Variants in EGFR observed in about 807,000 individuals in gnomAD.
EGFR encodes the protein epidermal growth factor receptor, also known as avian erythroblastic leukemia viral (v-erb-b) oncogene homolog.
In EGFR, 58 loss-of-function variants were observed where a neutral mutation model predicts 143.0. That is an observed-to-expected ratio of 0.41 (90% CI 0.33 to 0.50). The LOEUF is 0.50. Among genes scored for constraint, EGFR ranks in the 20% least tolerant of loss-of-function variants. The probability of loss-of-function intolerance (pLI) is 0.39; values close to 1 mark genes in which losing one functional copy is unlikely to be tolerated. For missense variants in EGFR, 1,307 were observed against 1,579.0 expected (o/e 0.83, Z 2.92); for synonymous variants, 613 against 594.4 (o/e 1.03, Z -0.45).
chr7:55,105,560 T>C (rs750142435), intron 1 of EGFR, among the ~76,000 whole-genome samples: 50 of 152,338 alleles, frequency 3.3e-4, no homozygotes, highest in Non-Finnish European at 5.1e-4. Context: ...CTTTTCTTCA[T>C]GAAAACAGCT....
At chr7:55,129,169 G>C (rs563661983) in intron 1 of EGFR, among the ~76,000 whole-genome samples, 63 of 152,240 alleles carry the variant, frequency 4.1e-4, no homozygotes, top group Non-Finnish European at 7.5e-4. Flanking sequence ...TCATACATGA[G>C]AGAAAGCCGT....
Position 55,019,118 on chromosome 7 carries a change from G to T in EGFR, c.-160G>T, listed in dbSNP as rs1166271087. On this transcript the variant is annotated 5_prime_UTR_variant, in exon 1 of 28. Transcript: ENST00000275493. ...CCGAGGCGGCCGGAGTCCCGAGCTA[G>T]CCCCGGCGGCCGCCGCCGCCCAGAC... The T allele has an allele frequency of 2.9e-5, 12 of 407,320 alleles. No homozygotes were observed. Among genetic ancestry groups the T allele is most frequent in the Non-Finnish European group, 4.5e-5 (11 of 245,236 alleles). The allele number at this position is 407,320 out of a possible 1,614,324, so 25.2% of individuals were successfully genotyped here.
chr7:55,123,905 G>T (rs1793365031), intron 1 of EGFR, among the ~76,000 whole-genome samples: 1 of 152,154 alleles, frequency 6.6e-6, no homozygotes, highest in South Asian at 2.1e-4. Context: ...GTGTGCATGT[G>T]TGTGCAAGTA....
rs757810509 is a variant in EGFR at position 55,155,826 on chromosome 7, C to T, written c.890-4C>T. ...TCACCTTCCTTTCATGCTCTCTTCC[C>T]CAGGTAATTATGTGGTGACAGATCA... On this transcript the variant is annotated splice_polypyrimidine_tract_variant and splice_region_variant and intron_variant, in intron 7 of 27. Transcript: ENST00000275493. The T allele has an allele frequency of 3.1e-6, 5 of 1,613,350 alleles. No homozygotes were observed. The South Asian group carries it at 5.5e-5, about 18-fold the overall frequency.
intron 1 of EGFR, among the ~76,000 whole-genome samples, chr7:55,026,528 C>G (rs1786893392): frequency 6.6e-6 from 1 of 152,192 alleles, no homozygotes; most frequent in South Asian, 2.1e-4. Flanking sequence ...TGACCATAAA[C>G]CACAAATAAC....
intron 1 of EGFR, among the ~76,000 whole-genome samples, chr7:55,121,854 G>A (rs183464599): frequency 9.2e-5 from 14 of 152,278 alleles, no homozygotes; most frequent in Admixed American, 3.3e-4. Flanking sequence ...GCCTCTGTGC[G>A]ACAGTGACCT....
At chr7:55,078,760 G>T (rs1339946195) in intron 1 of EGFR, among the ~76,000 whole-genome samples, 7 of 152,232 alleles carry the variant, frequency 4.6e-5, no homozygotes, top group Non-Finnish European at 1.0e-4. Context: ...GACATCCTGA[G>T]ATGGTTTGGG....
chr7:55,039,144 T>A (rs1225071845), intron 1 of EGFR, among the ~76,000 whole-genome samples: 1 of 152,074 alleles, frequency 6.6e-6, no homozygotes, highest in Admixed American at 6.6e-5. Context: ...TTGAGATCCA[T>A]CACTTTAAGT....
rs1562772187 is a variant in EGFR, at chr7:55,161,619, A to G, written c.1619A>G (p.Asn540Ser). Residue 540 changes from asparagine to serine, a missense_variant, in exon 13 of 28, where the codon AAC (asparagine) becomes AGC (serine). This residue lies in a region of EGFR where 250 missense variants were observed against 295.1 expected (regional missense o/e 0.85). Transcript: ENST00000275493. ...SRGRECVDKCNLLEGEPREFV... is the reference protein window; with the variant it reads ...SRGRECVDKCSLLEGEPREFV... Reference sequence around the variant, plus strand: ...GGCAGGGAATGCGTGGACAAGTGCAACCTTCTGGAGGGGTAGGAGGTTATT... The same window carrying G: ...GGCAGGGAATGCGTGGACAAGTGCAGCCTTCTGGAGGGGTAGGAGGTTATT... 1.2e-6 allele frequency: 2 copies of G among 1,614,248 alleles called. No homozygotes were observed. The highest frequency in any genetic ancestry group is 1.6e-4 in the Middle Eastern group (1 of 6,062).
At chr7:55,064,564 T>A (rs1789388235) in intron 1 of EGFR, among the ~76,000 whole-genome samples, 1 of 152,242 alleles carries the variant, frequency 6.6e-6, no homozygotes, top group South Asian at 2.1e-4. Flanking sequence ...GCACTTCTTT[T>A]TTCTCTTTGG....
At position 55,165,397 on chromosome 7, in the gene EGFR, G is replaced by T. The variant is rs779076899; in HGVS notation, c.1840G>T (p.Gly614Cys). ...CCTGGTCTGGAAGTACGCAGACGCC[G>T]GCCATGTGTGCCACCTGTGCCATCC... ...NTLVWKYADAGHVCHLCHPNC... is the reference protein window; with the variant it reads ...NTLVWKYADACHVCHLCHPNC... The change falls in exon 15 of 28, where the codon GGC becomes TGC. Residue 614 changes from glycine to cysteine, a missense_variant. By Grantham distance (159) the Gly-to-Cys change is radical. Transcript: ENST00000275493. The T allele has an allele frequency of 6.2e-7, 1 of 1,614,106 alleles. No homozygotes were observed.
intron 1 of EGFR, among the ~76,000 whole-genome samples, chr7:55,107,928 AAC>A (rs1278598830): frequency 6.6e-6 from 1 of 152,238 alleles, no homozygotes; most frequent in East Asian, 1.9e-4. Flanking sequence ...AATGTGAAGA[AAC>A]ACAGAACAGC....
chr7:55,134,858 A>G (rs1794049817), intron 1 of EGFR, among the ~76,000 whole-genome samples: 1 of 152,202 alleles, frequency 6.6e-6, no homozygotes, highest in African/African-American at 2.4e-5. Context: ...AGGCCCTTTC[A>G]TGTCCATGAT....
rs1787900755 is a variant in EGFR at position 55,202,633 on chromosome 7, G to C, written c.3271+8G>C. 1.2e-6 allele frequency: 2 copies of C among 1,606,378 alleles called. No individual in the cohort carries two copies. The highest frequency in any genetic ancestry group is 4.5e-5 in the East Asian group (2 of 44,296). On this transcript the variant is annotated splice_region_variant and intron_variant, in intron 27 of 27. Transcript: ENST00000275493. ...CCTTCCTCCCAGTGCCTGGTGAGTG[G>C]CTTGTCTGGAAACAGTCCTGCTCCT...
At chr7:55,132,509 G>T (rs2128920927) in intron 1 of EGFR, among the ~76,000 whole-genome samples, 1 of 152,276 alleles carries the variant, frequency 6.6e-6, no homozygotes, top group East Asian at 1.9e-4. Context: ...GTAAATGGTG[G>T]GACTATGTAT....
intron 1 of EGFR, among the ~76,000 whole-genome samples, chr7:55,112,924 T>C (rs2128908770): frequency 6.6e-6 from 1 of 152,292 alleles, no homozygotes; most frequent in South Asian, 2.1e-4. Context: ...TCTTTTATAA[T>C]GGGAATCAAC....
chr7:55,132,285 T>G (rs1426948712), intron 1 of EGFR, among the ~76,000 whole-genome samples: 4 of 152,186 alleles, frequency 2.6e-5, no homozygotes, highest in Non-Finnish European at 5.9e-5. Flanking sequence ...CAAAAAGAAT[T>G]TCCAATCCCA....
At chr7:55,112,439 A>G (rs974385641) in intron 1 of EGFR, among the ~76,000 whole-genome samples, 13 of 152,196 alleles carry the variant, frequency 8.5e-5, no homozygotes, top group Admixed American at 8.5e-4. Context: ...AAACAAACAG[A>G]TGATTAGCTG....
In EGFR at chr7:55,114,463, G is replaced by A. The variant is rs1205515622; in HGVS notation, c.89-27823G>A. ...ATTGCACCATTGCACTCCAGCCTAG[G>A]TGACACAGTGAGACCCTGTTTCTAA... On this transcript the variant is annotated intron_variant, in intron 1 of 27. Coordinates refer to ENST00000275493, the MANE Select transcript of EGFR (RefSeq NM_005228.5). 2.0e-5 allele frequency among the ~76,000 whole-genome samples: 3 copies of A among 152,094 alleles called. No individual in the cohort carries two copies. The East Asian group carries it at 5.8e-4, about 29-fold the overall frequency.
Sources: allele counts gnomAD v4.1 joint callset (sites outside exome capture counted in the v4.1 genomes callset), GRCh38; gene constraint gnomAD v4.1.1; regional missense constraint gnomAD v4.1.1; transcripts MANE v1.5; gene names NCBI Gene and HGNC (gene_info 2026-07-23, HGNC 2026-07-21).